The following BBX variants were observed in gnomAD, a reference collection of about 807,000 sequenced individuals.
BBX encodes HMG box transcription factor BBX.
Under a neutral mutation model 100.2 loss-of-function variants are expected in BBX, and 30 were observed. That is an observed-to-expected ratio of 0.30 (90% CI 0.22 to 0.41). The LOEUF is 0.41. BBX is among the 10% of genes least tolerant of loss of function. The pLI, the probability that BBX is intolerant of heterozygous loss-of-function variation, is 1.00. For missense variants in BBX, 1,023 were observed against 1,129.8 expected (o/e 0.91, Z 1.35); for synonymous variants, 376 against 388.1 (o/e 0.97, Z 0.37).
At chr3:107,714,286 C>T (rs201589502) in intron 4 of BBX, among the ~76,000 whole-genome samples, 144 of 152,178 alleles carry the variant, frequency 9.5e-4, no homozygotes, top group Non-Finnish European at 1.5e-3. Flanking sequence ...TTGTTTCTCA[C>T]AATGTAGCTC....
intron 12 of BBX, among the ~76,000 whole-genome samples, chr3:107,776,517 C>T (rs2067332423): frequency 6.6e-6 from 1 of 152,076 alleles, no homozygotes; most frequent in African/African-American, 2.4e-5. Context: ...TTGGGTTTGC[C>T]TTGTTTAGAA....
intron 16 of BBX, among the ~76,000 whole-genome samples, chr3:107,800,754 T>A (rs2070360428): frequency 6.6e-6 from 1 of 152,226 alleles, no homozygotes; most frequent in Non-Finnish European, 1.5e-5. Context: ...TTACAGCATC[T>A]ACAGGCCCCT....
At chr3:107,673,227 A>G (rs1195173007) in intron 3 of BBX, among the ~76,000 whole-genome samples, 2 of 152,118 alleles carry the variant, frequency 1.3e-5, no homozygotes, top group Non-Finnish European at 2.9e-5. Context: ...AAAAGAGAAC[A>G]AGAGTTAGAG....
At chr3:107,569,214 T>C (rs747887255) in intron 2 of BBX, among the ~76,000 whole-genome samples, 1 of 152,212 alleles carries the variant, frequency 6.6e-6, no homozygotes, top group Non-Finnish European at 1.5e-5. Flanking sequence ...TTTCTTGATA[T>C]CCTACTTCCT....
intron 2 of BBX, among the ~76,000 whole-genome samples, chr3:107,615,203 TAAG>T (rs2055158445): frequency 6.6e-6 from 1 of 152,136 alleles, no homozygotes; most frequent in Non-Finnish European, 1.5e-5. Context: ...ACCATGTATT[TAAG>T]AACTTGAGTT....
chr3:107,616,438 G>C (rs946341934), intron 2 of BBX, among the ~76,000 whole-genome samples: 9 of 149,372 alleles, frequency 6.0e-5, no homozygotes, highest in African/African-American at 1.5e-4. Flanking sequence ...TTTTGTTTTT[G>C]TTTTTGTTTT....
intron 12 of BBX, among the ~76,000 whole-genome samples, chr3:107,777,754 C>A (rs546068082): frequency 6.6e-6 from 1 of 152,256 alleles, no homozygotes; most frequent in South Asian, 2.1e-4. Flanking sequence ...CTTTACTTTG[C>A]TCATTGAATA....
At chr3:107,651,995 ATGAC>A (rs1265618665) in intron 3 of BBX, among the ~76,000 whole-genome samples, 2 of 152,218 alleles carry the variant, frequency 1.3e-5, no homozygotes, top group African/African-American at 4.8e-5. Context: ...CTAAGAACCC[ATGAC>A]TGAATTCTCT....
At chr3:107,759,203 A>C (rs1180060380) in intron 10 of BBX, among the ~76,000 whole-genome samples, 2 of 152,188 alleles carry the variant, frequency 1.3e-5, no homozygotes, top group Admixed American at 1.3e-4. Context: ...TTCCTGGGGA[A>C]GGTCCTAATT....
At chr3:107,739,199 GAATT>G (rs1406638553) in intron 7 of BBX, among the ~76,000 whole-genome samples, 1 of 152,110 alleles carries the variant, frequency 6.6e-6, no homozygotes, top group African/African-American at 2.4e-5. Flanking sequence ...TGGTGTATTT[GAATT>G]AATTAGATAT....
chr3:107,612,679 G>C (rs961971070), intron 2 of BBX, among the ~76,000 whole-genome samples: 12 of 152,334 alleles, frequency 7.9e-5, no homozygotes, highest in Admixed American at 3.9e-4. Context: ...CACCGGAACT[G>C]TTCTAGGTCA....
intron 3 of BBX, among the ~76,000 whole-genome samples, chr3:107,689,531 C>T (rs1446201938): frequency 1.3e-5 from 2 of 152,124 alleles, no homozygotes; most frequent in African/African-American, 4.8e-5. Context: ...TCAGTCATAA[C>T]GACTTCTGAG....
intron 2 of BBX, among the ~76,000 whole-genome samples, chr3:107,610,387 T>C (rs1487505126): frequency 6.6e-6 from 1 of 152,066 alleles, no homozygotes; most frequent in Non-Finnish European, 1.5e-5. Context: ...ATCTGTAGCA[T>C]AGATTAAATC....
intron 3 of BBX, among the ~76,000 whole-genome samples, chr3:107,702,255 A>G (rs1560001911): frequency 6.6e-6 from 1 of 152,226 alleles, no homozygotes; most frequent in East Asian, 1.9e-4. Flanking sequence ...GTTTTGAGAG[A>G]ATAATGAAAG....
At chr3:107,634,524 A>C (rs1172570994) in intron 2 of BBX, among the ~76,000 whole-genome samples, 1 of 152,216 alleles carries the variant, frequency 6.6e-6, no homozygotes, top group Non-Finnish European at 1.5e-5. Flanking sequence ...AATAATGTTA[A>C]ATTTCAAGCC....
chr3:107,523,193 GC>G (rs1553715278), intron 1 of BBX, 86 bp downstream of exon 1: 2 of 200,434 alleles, frequency 1.0e-5, no homozygotes, highest in Non-Finnish European at 2.0e-5. Flanking sequence ...CCGGGCTGCA[GC>G]CCCAAGGACT....
At chr3:107,754,208 G>A (rs1416955364) in intron 9 of BBX, among the ~76,000 whole-genome samples, 1 of 152,190 alleles carries the variant, frequency 6.6e-6, no homozygotes. Context: ...TGGCATTTAT[G>A]TTCAGTCCTT....
At chr3:107,529,787 C>T (rs576813401) in intron 2 of BBX, among the ~76,000 whole-genome samples, 2 of 152,124 alleles carry the variant, frequency 1.3e-5, no homozygotes, top group East Asian at 3.9e-4. Context: ...TACAGATATA[C>T]CCAGAAAATC....
intron 2 of BBX, among the ~76,000 whole-genome samples, chr3:107,545,800 A>G (rs935375274): frequency 6.6e-6 from 1 of 152,100 alleles, no homozygotes; most frequent in African/African-American, 2.4e-5. Flanking sequence ...CTCAGTAGGT[A>G]GTGATGATGC....
Sources: gnomAD v4.1 joint callset for allele counts (sites outside exome capture counted in the v4.1 genomes callset) on GRCh38, gnomAD v4.1.1 for gene constraint, MANE v1.5 for transcripts, NCBI Gene and HGNC (gene_info 2026-07-23, HGNC 2026-07-21) for gene names.